Variants in TAOK3 observed in about 807,000 individuals in gnomAD.
TAOK3 encodes serine/threonine-protein kinase TAO3.
In TAOK3, 40 loss-of-function variants were observed where a neutral mutation model predicts 120.4. That is an observed-to-expected ratio of 0.33 (90% CI 0.26 to 0.43). TAOK3 has a LOEUF of 0.43. Ranked by LOEUF, TAOK3 falls within the 20% of genes least tolerant of loss-of-function variation. The pLI is 1.00. For missense variants in TAOK3, 821 were observed against 1,112.1 expected (o/e 0.74, Z 3.72); for synonymous variants, 355 against 387.5 (o/e 0.92, Z 0.99).
chr12:118,237,127 C>A (rs2040049847), intron 7 of TAOK3, among the ~76,000 whole-genome samples: 1 of 152,092 alleles, frequency 6.6e-6, no homozygotes, highest in Admixed American at 6.6e-5. Flanking sequence ...ACTCTTTGTC[C>A]TTAATTCCCA....
chr12:118,163,454 G>A (rs1449167846), intron 17 of TAOK3, among the ~76,000 whole-genome samples: 2 of 148,808 alleles, frequency 1.3e-5, no homozygotes, highest in Non-Finnish European at 3.0e-5. Flanking sequence ...TTTTTGGGGG[G>A]GGTGGGGGTA....
chr12:118,272,055 G>C (rs576844932), intron 1 of TAOK3, among the ~76,000 whole-genome samples: 1 of 152,082 alleles, frequency 6.6e-6, no homozygotes, highest in African/African-American at 2.4e-5. Flanking sequence ...AATTTTCTTC[G>C]CAAACACTTC....
intron 9 of TAOK3, among the ~76,000 whole-genome samples, chr12:118,217,811 G>GTATACA: frequency 1.3e-5 from 1 of 75,402 alleles, no homozygotes; most frequent in Non-Finnish European, 2.6e-5. Context: ...GTGTGTGTGT[G>GTATACA]TATACATATA....
chr12:118,189,105 A>G (rs1423789380), intron 14 of TAOK3, among the ~76,000 whole-genome samples: 2 of 152,210 alleles, frequency 1.3e-5, no homozygotes, highest in Admixed American at 1.3e-4. Context: ...TTCCACAATC[A>G]GCCCTATCCT....
chr12:118,164,079 T>C (rs980425834), intron 17 of TAOK3, among the ~76,000 whole-genome samples: 5 of 151,468 alleles, frequency 3.3e-5, no homozygotes, highest in South Asian at 2.1e-4. Flanking sequence ...TCCCAGCACT[T>C]TGGGAGGCCG....
At chr12:118,219,707 A>T (rs1454780404) in intron 9 of TAOK3, among the ~76,000 whole-genome samples, 3 of 134,836 alleles carry the variant, frequency 2.2e-5, no homozygotes, top group African/African-American at 8.6e-5. Context: ...TGATGTTCCC[A>T]TTTCTGTCTC....
At position 118,327,018 on chromosome 12, in the gene TAOK3, C is replaced by T. The variant is rs149781916; in HGVS notation, c.-194+45630G>A. 8.5e-5 allele frequency among the ~76,000 whole-genome samples: 13 copies of T among 152,290 alleles called. No individual in the cohort carries two copies. In the East Asian group the frequency reaches 2.5e-3, roughly 29 times the overall value. Reference sequence around the variant, plus strand: ...TACCAATTTGCAACTTGCTGACATACATCTGCACATATCAGTCTAAATAAC... The same window carrying T: ...TACCAATTTGCAACTTGCTGACATATATCTGCACATATCAGTCTAAATAAC... On this transcript the variant is annotated intron_variant, in intron 1 of 20. Transcript: ENST00000392533.
chr12:118,346,704 T>A (rs1179252848), intron 1 of TAOK3, among the ~76,000 whole-genome samples: 2 of 152,168 alleles, frequency 1.3e-5, no homozygotes, highest in African/African-American at 4.8e-5. Flanking sequence ...CAAATGCATT[T>A]AAAAGCATAG....
At chr12:118,191,648 G>A (rs1037527052) in intron 13 of TAOK3, among the ~76,000 whole-genome samples, 5 of 152,090 alleles carry the variant, frequency 3.3e-5, no homozygotes, top group Admixed American at 6.5e-5. Context: ...ATGATTTCTC[G>A]CGAAATTTGA....
intron 1 of TAOK3, among the ~76,000 whole-genome samples, chr12:118,346,292 C>A (rs1217215502): frequency 6.6e-6 from 1 of 152,136 alleles, no homozygotes; most frequent in African/African-American, 2.4e-5. Context: ...AATAAGTCTT[C>A]TAGTTGGAAA....
At chr12:118,226,341 A>T (rs1309486573) in intron 9 of TAOK3, among the ~76,000 whole-genome samples, 1 of 151,902 alleles carries the variant, frequency 6.6e-6, no homozygotes, top group Non-Finnish European at 1.5e-5. Flanking sequence ...GCGCCACTGC[A>T]CTCCAGCCTG....
chr12:118,243,669 TTC>T (rs1206057179), intron 4 of TAOK3, among the ~76,000 whole-genome samples, 153 bp from the exon 5 acceptor site: 2 of 152,134 alleles, frequency 1.3e-5, no homozygotes, highest in Non-Finnish European at 2.9e-5. Context: ...TGCTATTTCT[TTC>T]TCTCTCTCTT....
At chr12:118,212,666 A>G (rs1244282073) in intron 11 of TAOK3, among the ~76,000 whole-genome samples, 1 of 152,186 alleles carries the variant, frequency 6.6e-6, no homozygotes, top group African/African-American at 2.4e-5. Flanking sequence ...TTATAAGGCA[A>G]AAAAGGAACA....
At chr12:118,301,773 C>T (rs923210666) in intron 1 of TAOK3, among the ~76,000 whole-genome samples, 1 of 142,430 alleles carries the variant, frequency 7.0e-6, no homozygotes, top group Non-Finnish European at 1.5e-5. Flanking sequence ...ACCTGGGAGG[C>T]GGAAGTTGCA....
At chr12:118,174,856 TTTAC>T (rs1400359273) in intron 16 of TAOK3, among the ~76,000 whole-genome samples, 1 of 152,032 alleles carries the variant, frequency 6.6e-6, no homozygotes, top group East Asian at 1.9e-4. Flanking sequence ...GAGATGTCGT[TTTAC>T]CATGTTGGCC....
intron 17 of TAOK3, among the ~76,000 whole-genome samples, chr12:118,166,843 CACAT>C (rs756974769): frequency 1.1e-4 from 15 of 136,250 alleles, no homozygotes; most frequent in East Asian, 8.2e-4. Context: ...CACACACACA[CACAT>C]ACACACACAC....
chr12:118,354,035 T>C (rs1192148880), intron 1 of TAOK3, among the ~76,000 whole-genome samples: 1 of 152,184 alleles, frequency 6.6e-6, no homozygotes, highest in Non-Finnish European at 1.5e-5. Context: ...ACTGACCCAA[T>C]ACAAGATATG....
chr12:118,221,657 CAG>C (rs1322675921), intron 9 of TAOK3, among the ~76,000 whole-genome samples: 2 of 117,082 alleles, frequency 1.7e-5, no homozygotes, highest in African/African-American at 3.4e-5. Flanking sequence ...TTTTTTGAGA[CAG>C]AGTCTTGCTC....
At chr12:118,360,688 G>A (rs1436755906) in intron 1 of TAOK3, among the ~76,000 whole-genome samples, 1 of 152,026 alleles carries the variant, frequency 6.6e-6, no homozygotes, top group Non-Finnish European at 1.5e-5. Context: ...TAAAGTCCCT[G>A]TGGTCATTCA....
Sources: allele counts gnomAD v4.1 joint callset (sites outside exome capture counted in the v4.1 genomes callset), GRCh38; gene constraint gnomAD v4.1.1; transcripts MANE v1.5; gene names NCBI Gene and HGNC (gene_info 2026-07-23, HGNC 2026-07-21).